PALLD: variants seen among roughly 807,000 people sequenced by gnomAD.
The protein encoded by PALLD is palladin.
Under a neutral mutation model 123.5 loss-of-function variants are expected in PALLD, and 61 were observed. The ratio of observed to expected loss-of-function variants is 0.49; its 90% confidence interval spans 0.40 to 0.61. The LOEUF (loss-of-function observed/expected upper bound fraction) is 0.61, where lower values mean the gene tolerates loss of function less well. Ranked by LOEUF, PALLD falls within the 20% of genes least tolerant of loss-of-function variation. PALLD has a pLI of 0.00. For missense variants in PALLD, 1,273 were observed against 1,377.0 expected, an observed-to-expected ratio of 0.92 and a Z score of 1.20; for synonymous variants, 465 against 496.4, an observed-to-expected ratio of 0.94 and a Z score of 0.84.
intron 2 of PALLD, among the ~76,000 whole-genome samples, chr4:168,661,730 T>C (rs1406981627): frequency 6.6e-6 from 1 of 152,210 alleles, no homozygotes. Flanking sequence ...TTAAAACATG[T>C]GTCTATCCAT....
chr4:168,734,546 T>C (rs1175150099), intron 10 of PALLD, among the ~76,000 whole-genome samples: 1 of 152,226 alleles, frequency 6.6e-6, no homozygotes, highest in Non-Finnish European at 1.5e-5. Flanking sequence ...TTTGAGCTTC[T>C]TTCAGCTCAA....
chr4:168,875,743 G>A (rs1751663568), intron 10 of PALLD, among the ~76,000 whole-genome samples: 1 of 152,230 alleles, frequency 6.6e-6, no homozygotes, highest in African/African-American at 2.4e-5. Context: ...TAGCAAACAT[G>A]ATGGTTCTTT....
intron 2 of PALLD, among the ~76,000 whole-genome samples, chr4:168,590,870 T>G (rs1034454346): frequency 1.9e-5 from 2 of 103,138 alleles, no homozygotes; most frequent in Admixed American, 9.7e-5. Context: ...GAAAGTTTTT[T>G]TTTTTTTTTT....
Position 168,749,143 on chromosome 4 carries a change from ACTCT to A in PALLD, c.1964+37229_1964+37232del, listed in dbSNP as rs1050213553. On this transcript the variant is annotated intron_variant, in intron 10 of 21. Transcript: ENST00000505667. Reference sequence around the variant, plus strand: ...TAAAAGTGTGTGGCACTTCCCTGCCACTCTCTCTCTCTTGCTCCTGCTCTCACCA... The same window carrying A: ...TAAAAGTGTGTGGCACTTCCCTGCCACTCTCTCTTGCTCCTGCTCTCACCA... 4.6e-5 allele frequency among the ~76,000 whole-genome samples: 7 copies of A among 150,846 alleles called. No homozygotes were observed. The East Asian group carries it at 9.8e-4, about 21-fold the overall frequency.
intron 18 of PALLD, among the ~76,000 whole-genome samples, chr4:168,923,441 G>T (rs1761975726): frequency 6.6e-6 from 1 of 152,120 alleles, no homozygotes; most frequent in African/African-American, 2.4e-5. Flanking sequence ...TAGTTCAAAA[G>T]AAAATAAGTA....
intron 10 of PALLD, among the ~76,000 whole-genome samples, chr4:168,774,727 C>CA (rs56364164): frequency 0.022 from 1,608 of 73,088 alleles, 36 homozygotes; most frequent in African/African-American, 0.056. Flanking sequence ...GACTGCATCT[C>CA]AAAAAAAAAA....
intron 2 of PALLD, among the ~76,000 whole-genome samples, chr4:168,637,031 AAG>A (rs368676194): frequency 5.9e-5 from 9 of 152,218 alleles, no homozygotes; most frequent in African/African-American, 2.2e-4. Context: ...AGAGGAAAAG[AAG>A]AGCTAAGTGA....
chr4:168,663,735 A>G (rs1779349909), intron 2 of PALLD, among the ~76,000 whole-genome samples: 1 of 152,178 alleles, frequency 6.6e-6, no homozygotes, highest in Non-Finnish European at 1.5e-5. Context: ...CATTCATTTG[A>G]TAATTGATCA....
In PALLD at chr4:168,523,620, A is replaced by T. The variant is rs141967910; in HGVS notation, c.908+11208A>T. Among the ~76,000 whole-genome samples, 589 of 152,270 alleles carry T rather than the reference A, an allele frequency of 3.9e-3. 2 individuals are homozygous for T. Among genetic ancestry groups the T allele is most frequent in the Non-Finnish European group, 6.2e-3 (422 of 68,012 alleles). Reference sequence around the variant, plus strand: ...GAAGGATAGTAATGAGAAGGTATTGATAAATAAGAGGATTTGTTCAAGGTC... The same window carrying T: ...GAAGGATAGTAATGAGAAGGTATTGTTAAATAAGAGGATTTGTTCAAGGTC... On this transcript the variant is annotated intron_variant, in intron 2 of 21. Transcript: ENST00000505667.
At chr4:168,917,692 T>C (rs986572776) in intron 17 of PALLD, among the ~76,000 whole-genome samples, 1 of 152,126 alleles carries the variant, frequency 6.6e-6, no homozygotes, top group African/African-American at 2.4e-5. Context: ...TCTGGGATTA[T>C]AGAAATGTAT....
chr4:168,841,561 T>G lies in PALLD; in HGVS notation c.1965-49361T>G, dbSNP rs933308795. ...GGCAGTTGAGGAGAAAATGCAGCAG[T>G]GGGGTTGAGTAGACACCTCAGCCAC... On this transcript the variant is annotated intron_variant, in intron 10 of 21. Transcript: ENST00000505667. Among the ~76,000 whole-genome samples, 3 of 152,248 alleles carry G rather than the reference T, an allele frequency of 2.0e-5. No homozygotes were observed. In the East Asian group the frequency reaches 5.8e-4, roughly 29 times the overall value.
In PALLD at chr4:168,907,529, C is replaced by T. The variant is rs144190349; in HGVS notation, c.2622+3623C>T. Reference sequence around the variant, plus strand: ...GAGGAGCTGTGAGCTAGAGGACGGCCACACCCATAGCACAGCTGACATCAG... The same window carrying T: ...GAGGAGCTGTGAGCTAGAGGACGGCTACACCCATAGCACAGCTGACATCAG... On this transcript the variant is annotated intron_variant, in intron 15 of 21. Coordinates refer to ENST00000505667, the MANE Select transcript of PALLD (RefSeq NM_001166108.2). Among the ~76,000 whole-genome samples the T allele has an allele frequency of 4.6e-3, 706 of 152,250 alleles. 5 individuals carry two copies. The highest frequency in any genetic ancestry group is 0.024 in the Middle Eastern group (7 of 294).
chr4:168,881,033 T>C (rs749257995), intron 10 of PALLD, among the ~76,000 whole-genome samples: 3 of 152,126 alleles, frequency 2.0e-5, no homozygotes, highest in Non-Finnish European at 2.9e-5. Context: ...GCCACCTAAA[T>C]AGCTGGGATT....
chr4:168,589,184 T>C (rs1330613832), intron 2 of PALLD, among the ~76,000 whole-genome samples: 2 of 152,222 alleles, frequency 1.3e-5, no homozygotes, highest in Non-Finnish European at 2.9e-5. Context: ...TTGTAATGTA[T>C]GGTAAATTAT....
intron 2 of PALLD, among the ~76,000 whole-genome samples, chr4:168,630,209 C>T (rs1775681962): frequency 6.6e-6 from 1 of 152,216 alleles, no homozygotes; most frequent in Admixed American, 6.5e-5. Context: ...CCAACAGGGC[C>T]ACCCTGCTTC....
At chr4:168,906,194 C>T (rs913128028) in intron 15 of PALLD, among the ~76,000 whole-genome samples, 2 of 152,128 alleles carry the variant, frequency 1.3e-5, no homozygotes, top group African/African-American at 2.4e-5. Flanking sequence ...GTGGTCCTTA[C>T]GTATTTGCCA....
At chr4:168,920,953 C>G (rs1761358934) in intron 17 of PALLD, among the ~76,000 whole-genome samples, 2 of 152,148 alleles carry the variant, frequency 1.3e-5, no homozygotes, top group African/African-American at 4.8e-5. Flanking sequence ...CTCCATAGCC[C>G]TGGGCAAGGT....
chr4:168,706,739 T>G (rs1784265927), intron 8 of PALLD, among the ~76,000 whole-genome samples: 1 of 152,218 alleles, frequency 6.6e-6, no homozygotes, highest in South Asian at 2.1e-4. Flanking sequence ...TAGGCCATAT[T>G]ACTTGGTAAT....
At chr4:168,832,252 A>T (rs535686600) in intron 10 of PALLD, 2 of 701,318 alleles carry the variant, frequency 2.9e-6, no homozygotes, top group South Asian at 1.3e-4. Flanking sequence ...GTGGGCCGCG[A>T]GTCGGGAGTG....
Sources: gnomAD v4.1 joint callset for allele counts (sites outside exome capture counted in the v4.1 genomes callset) on GRCh38, gnomAD v4.1.1 for gene constraint, MANE v1.5 for transcripts, NCBI Gene and HGNC (gene_info 2026-07-23, HGNC 2026-07-21) for gene names.